NBEAL1: variants seen among roughly 807,000 people sequenced by gnomAD.
NBEAL1 encodes the protein neurobeachin-like protein 1.
Under a neutral mutation model 351.3 loss-of-function variants are expected in NBEAL1, and 273 were observed. That is an observed-to-expected ratio of 0.78 (90% CI 0.70 to 0.86). NBEAL1 has a LOEUF of 0.86. Among genes scored for constraint, NBEAL1 ranks in the 40% least tolerant of loss-of-function variants. The pLI is 0.00. For synonymous variants in NBEAL1, 1,050 were observed against 1,086.4 expected (o/e 0.97, Z 0.66); for missense variants, 2,961 against 3,201.3 (o/e 0.92, Z 1.81).
At chr2:203,033,069 C>T (rs547782601) in intron 2 of NBEAL1, among the ~76,000 whole-genome samples, 30 of 151,192 alleles carry the variant, frequency 2.0e-4, no homozygotes, top group African/African-American at 5.1e-4. Context: ...GGCGCGATCT[C>T]GGCTCACTGC....
chr2:203,139,079 G>A (rs952069519), intron 31 of NBEAL1, among the ~76,000 whole-genome samples: 1 of 151,818 alleles, frequency 6.6e-6, no homozygotes, highest in South Asian at 2.1e-4. Flanking sequence ...GCAGTTTAGG[G>A]CTTGAATTTT....
chr2:203,154,547 G>T (rs796072623), intron 35 of NBEAL1, among the ~76,000 whole-genome samples: 10 of 152,160 alleles, frequency 6.6e-5, no homozygotes, highest in African/African-American at 2.4e-4. Flanking sequence ...CATTGCAGAT[G>T]TATAGAATAG....
chr2:203,045,780 TAAC>T (rs1195136061), intron 3 of NBEAL1, among the ~76,000 whole-genome samples: 1 of 152,176 alleles, frequency 6.6e-6, no homozygotes, highest in South Asian at 2.1e-4. Flanking sequence ...GAAGAAGAGG[TAAC>T]TATAAAGTAT....
At chr2:203,024,199 CAA>C (rs1344807011) in intron 2 of NBEAL1, among the ~76,000 whole-genome samples, 12 of 88,064 alleles carry the variant, frequency 1.4e-4, no homozygotes, top group Admixed American at 1.2e-4. Flanking sequence ...CTTTCTCACA[CAA>C]AAAAAAAAAA....
In NBEAL1 at chr2:203,166,094, T is replaced by C. The variant is rs147600101; in HGVS notation, c.5715-55T>C. ...TATTTAAATGTGGCATTCTTTTCTA[T>C]TTAAGAAAAATAAATGGTTGAATTT... On this transcript the variant is annotated intron_variant, in intron 36 of 55. Coordinates refer to ENST00000683969, the MANE Select transcript of NBEAL1 (RefSeq NM_001378026.1). 257 of 1,439,976 alleles carry C rather than the reference T, an allele frequency of 1.8e-4. 1 individual carries two copies. The African/African-American group carries it at 3.6e-3, about 20-fold the overall frequency. 89.2% of individuals were successfully genotyped at this position (1,439,976 alleles called of 1,614,324 possible).
intron 50 of NBEAL1, among the ~76,000 whole-genome samples, 195 bp downstream of exon 50, chr2:203,201,910 TA>T (rs1347697474): frequency 6.6e-6 from 1 of 152,124 alleles, no homozygotes; most frequent in African/African-American, 2.4e-5. Context: ...AAGCACCACA[TA>T]AATTAAATAC....
chr2:203,075,426 G>C (rs1203967160), intron 7 of NBEAL1, among the ~76,000 whole-genome samples: 1 of 152,152 alleles, frequency 6.6e-6, no homozygotes, highest in Non-Finnish European at 1.5e-5. Context: ...TTATCTTTCT[G>C]TGTGTCCACT....
intron 24 of NBEAL1, among the ~76,000 whole-genome samples, chr2:203,129,464 G>A (rs1379249531): frequency 2.6e-5 from 4 of 152,048 alleles, no homozygotes; most frequent in Admixed American, 6.6e-5. Context: ...TAAGGTTGCC[G>A]CTCAAAAGCT....
chr2:203,088,064 T>C (rs2062000545), intron 10 of NBEAL1, among the ~76,000 whole-genome samples: 1 of 152,238 alleles, frequency 6.6e-6, no homozygotes, highest in African/African-American at 2.4e-5. Context: ...TCCCTTTTCA[T>C]GTTTACTCTA....
At chr2:203,208,822 A>G in intron 52 of NBEAL1, 69 bp downstream of exon 52, 1 of 1,196,968 alleles carries the variant, frequency 8.4e-7, no homozygotes, top group Non-Finnish European at 1.2e-6. Context: ...TTATAACTAA[A>G]AAGTTTTTCA....
In NBEAL1 at chr2:203,219,884, T is replaced by C. The variant is rs1190623904; in HGVS notation, c.*2530T>C. On this transcript the variant is annotated 3_prime_UTR_variant, in exon 56 of 56. Transcript: ENST00000683969. ...AAGAAAAGAAAAAAAATATGGAATT[T>C]AGAGAAAAATCTTTGAGAATACTAG... is the stretch of plus-strand genomic sequence containing the variant. 6.6e-6 allele frequency: 1 copy of C among 152,032 alleles called. No homozygotes were observed. Among genetic ancestry groups the C allele is most frequent in the African/African-American group, 2.4e-5 (1 of 41,410 alleles). The allele number at this position is 152,032 out of a possible 1,614,324, so 9.4% of individuals were successfully genotyped here. A position where few individuals can be genotyped will look rare whatever the true frequency, so the allele number is the denominator to read the frequency against.
In NBEAL1 at chr2:203,113,264, A is replaced by G; in HGVS notation, c.2452A>G (p.Ile818Val). Residue 818 changes from isoleucine (I) to valine (V), a missense_variant, in exon 17 of 56, where the codon ATC becomes GTC. Ile to Val is a conservative substitution (Grantham distance 29). Coordinates refer to ENST00000683969, the MANE Select transcript of NBEAL1 (RefSeq NM_001378026.1). The stretch of plus-strand genomic sequence containing the variant: ...TCTGGAGGGTCAGCTAGGATCTGTT[A>G]TCATCTTTTATGAACCACTACAACC... Reference protein sequence around the residue: ...TSLEGQLGSVIIFYEPLQPPQ... With the variant: ...TSLEGQLGSVVIFYEPLQPPQ... 6.0e-6 allele frequency: 9 copies of G among 1,488,018 alleles called. No homozygotes were observed. The highest frequency in any genetic ancestry group is 8.1e-6 in the Non-Finnish European group (9 of 1,117,722). 92.2% of individuals were successfully genotyped at this position (1,488,018 alleles called of 1,614,324 possible). A position where few individuals can be genotyped will look rare whatever the true frequency, so the allele number is the denominator to read the frequency against.
At chr2:203,111,847 TC>T in intron 15 of NBEAL1, 131 bp from the exon 16 acceptor site, 1 of 1,045,134 alleles carries the variant, frequency 9.6e-7, no homozygotes, top group African/African-American at 1.6e-5. Flanking sequence ...TTTGAGAACA[TC>T]AATTTAACAT....
rs764495254 is a variant in NBEAL1 at position 203,223,184 on chromosome 2, T to C, written c.*5830T>C. 3.9e-5 allele frequency among the ~76,000 whole-genome samples: 6 copies of C among 152,164 alleles called. No individual in the cohort carries two copies. The highest frequency in any genetic ancestry group is 5.9e-5 in the Non-Finnish European group (4 of 67,996). ...CCTGTAAAGCCAGTGGCTTTAGTGA[T>C]AAGTAAAAGGGCACATTCAACAATA... On this transcript the variant is annotated 3_prime_UTR_variant, in exon 56 of 56. Transcript: ENST00000683969.
At chr2:203,018,585 G>T (rs774241784) in intron 2 of NBEAL1, among the ~76,000 whole-genome samples, 1 of 151,914 alleles carries the variant, frequency 6.6e-6, no homozygotes, top group Admixed American at 6.6e-5. Flanking sequence ...TTTTTTTGTT[G>T]TTGTTGTTCT....
chr2:203,066,323 CT>C (rs35459326), intron 6 of NBEAL1, among the ~76,000 whole-genome samples: 52,394 of 139,856 alleles, frequency 0.37, 9,701 homozygotes, highest in East Asian at 0.61. Context: ...AAATTTTATC[CT>C]TTTTTTTTTT....
Position 203,217,526 on chromosome 2 carries a change from G to A in NBEAL1, c.*172G>A, listed in dbSNP as rs1160386340. The A allele has an allele frequency of 8.3e-7, 1 of 1,210,422 alleles. No individual in the cohort carries two copies. The allele number at this position is 1,210,422 out of a possible 1,614,324, so 75.0% of individuals were successfully genotyped here. A position where few individuals can be genotyped will look rare whatever the true frequency, so the allele number is the denominator to read the frequency against. ...ACTAATTCTTGGTCTATACTAAGAT[G>A]TATTTGAGAAAATACATTTGATTTG... On this transcript the variant is annotated 3_prime_UTR_variant, in exon 56 of 56. Transcript: ENST00000683969.
intron 14 of NBEAL1, among the ~76,000 whole-genome samples, chr2:203,109,800 A>C (rs1574981707): frequency 6.6e-6 from 1 of 152,312 alleles, no homozygotes; most frequent in East Asian, 1.9e-4. Context: ...GATTACAGGC[A>C]TGAGCCACCG....
rs2063272435 is a variant in NBEAL1, at chr2:203,138,266, A to G, written c.4670A>G (p.Asp1557Gly). 1.2e-6 allele frequency: 2 copies of G among 1,614,072 alleles called. No individual in the cohort carries two copies. The highest frequency in any genetic ancestry group is 4.5e-5 in the East Asian group (2 of 44,868). The change falls in exon 30 of 56, where the codon GAC (aspartate) becomes GGC (glycine). Residue 1557 changes from aspartate to glycine, a missense_variant. Transcript: ENST00000683969. Reference protein sequence around the residue: ...NAFRLVLIIQDFLQSEGLVNS... With the variant: ...NAFRLVLIIQGFLQSEGLVNS... The stretch of plus-strand genomic sequence containing the variant: ...TTCCGACTAGTGCTGATCATACAGG[A>G]CTTTCTTCAGTCAGAGGGACTAGTT...
Sources: gnomAD v4.1 joint callset for allele counts (sites outside exome capture counted in the v4.1 genomes callset) on GRCh38, gnomAD v4.1.1 for gene constraint, MANE v1.5 for transcripts, NCBI Gene and HGNC (gene_info 2026-07-23, HGNC 2026-07-21) for gene names.